CWC27: variants seen among roughly 807,000 people sequenced by gnomAD.
CWC27 encodes the protein spliceosome-associated protein CWC27 homolog.
In CWC27, 47 loss-of-function variants were observed where a neutral mutation model predicts 63.6. The observed-to-expected ratio is 0.74, with a 90% CI of 0.58 to 0.94. CWC27 has a LOEUF of 0.94. CWC27 is among the 40% of genes least tolerant of loss of function. The probability of loss-of-function intolerance (pLI) is 0.00; values close to 1 mark genes in which losing one functional copy is unlikely to be tolerated. For missense variants in CWC27, 495 were observed against 554.3 expected, an observed-to-expected ratio of 0.89 and a Z score of 1.07; for synonymous variants, 175 against 179.8, an observed-to-expected ratio of 0.97 and a Z score of 0.22.
At chr5:64,840,391 AAAAAT>A (rs1745792298) in intron 10 of CWC27, among the ~76,000 whole-genome samples, 1 of 42,306 alleles carries the variant, frequency 2.4e-5, no homozygotes, top group Non-Finnish European at 4.4e-5. Flanking sequence ...AAAAAAAAAA[AAAAAT>A]ATATATATAT....
chr5:64,823,563 C>T (rs1489870785), intron 10 of CWC27, among the ~76,000 whole-genome samples: 2 of 152,160 alleles, frequency 1.3e-5, no homozygotes, highest in Non-Finnish European at 2.9e-5. Flanking sequence ...CTGTTGGATA[C>T]AGAGAATGAC....
chr5:64,972,178 C>T (rs1749139183), intron 12 of CWC27, among the ~76,000 whole-genome samples: 1 of 152,216 alleles, frequency 6.6e-6, no homozygotes, highest in African/African-American at 2.4e-5. Context: ...TCCAGCCCGA[C>T]ATCTCGCATG....
intron 11 of CWC27, among the ~76,000 whole-genome samples, chr5:64,924,956 GACACACACACACAC>G (rs36083384): frequency 1.4e-5 from 2 of 145,464 alleles, no homozygotes; most frequent in Non-Finnish European, 3.0e-5. Flanking sequence ...GTCTTTCTTA[GACACACACACACAC>G]ACACACACAC....
intron 10 of CWC27, among the ~76,000 whole-genome samples, chr5:64,875,675 T>C (rs1267717213): frequency 6.6e-6 from 1 of 152,156 alleles, no homozygotes; most frequent in Non-Finnish European, 1.5e-5. Flanking sequence ...TTGCATAGCA[T>C]ATATTTAATC....
intron 13 of CWC27, among the ~76,000 whole-genome samples, chr5:65,009,593 C>T (rs989717437): frequency 2.6e-5 from 4 of 152,264 alleles, no homozygotes; most frequent in East Asian, 1.9e-4. Flanking sequence ...AGGGTGCCCC[C>T]GCTCTCCCTG....
chr5:64,985,176 A>G (rs562412596), intron 13 of CWC27, among the ~76,000 whole-genome samples: 44 of 152,168 alleles, frequency 2.9e-4, no homozygotes, highest in Admixed American at 7.2e-4. Flanking sequence ...CTTGATTACA[A>G]CAGATTTATG....
At chr5:64,840,388 A>AT (rs1745788679) in intron 10 of CWC27, among the ~76,000 whole-genome samples, 5 of 45,350 alleles carry the variant, frequency 1.1e-4, no homozygotes, top group Admixed American at 2.6e-4. Flanking sequence ...AAAAAAAAAA[A>AT]AAAAAAATAT....
At position 64,927,976 on chromosome 5, in the gene CWC27, A is replaced by G. The variant is rs552691520; in HGVS notation, c.1042+42430A>G. 9.9e-5 allele frequency among the ~76,000 whole-genome samples: 15 copies of G among 152,218 alleles called. No individual in the cohort carries two copies. The South Asian group carries it at 3.1e-3, about 32-fold the overall frequency. ...TCGAGACCAGCCTGGACAACATGGT[A>G]AAACCCCATTTTTACTAAAAATACA... On this transcript the variant is annotated intron_variant, in intron 11 of 13. Coordinates refer to ENST00000381070, the MANE Select transcript of CWC27 (RefSeq NM_005869.4).
At chr5:64,850,977 A>C (rs1266045956) in intron 10 of CWC27, among the ~76,000 whole-genome samples, 2 of 152,230 alleles carry the variant, frequency 1.3e-5, no homozygotes, top group Non-Finnish European at 2.9e-5. Context: ...TACAGCCATT[A>C]TGAAAACTGT....
rs548977471 is a variant in CWC27, at chr5:65,000,850, A to G, written c.1257-17309A>G. ...ATACAAATTGTAGGATTTTTTTTCTATTTGTATGAAGAATGTCATTGGTAT... is the reference window on the plus strand; with the variant it reads ...ATACAAATTGTAGGATTTTTTTTCTGTTTGTATGAAGAATGTCATTGGTAT... On this transcript the variant is annotated intron_variant, in intron 13 of 13. Transcript: ENST00000381070. Among the ~76,000 whole-genome samples, 12 of 151,872 alleles carry G rather than the reference A, an allele frequency of 7.9e-5. No homozygotes were observed. The East Asian group carries it at 1.9e-3, about 24-fold the overall frequency.
intron 11 of CWC27, among the ~76,000 whole-genome samples, chr5:64,925,619 A>G (rs1323979313): frequency 6.6e-6 from 1 of 152,238 alleles, no homozygotes; most frequent in Non-Finnish European, 1.5e-5. Flanking sequence ...TAGAGGCAGC[A>G]CGACTAGAGT....
chr5:64,922,438 G>T lies in CWC27; in HGVS notation c.1042+36892G>T, dbSNP rs189776973. Among the ~76,000 whole-genome samples, 795 of 152,178 alleles carry T rather than the reference G, an allele frequency of 5.2e-3. 5 individuals carry two copies. The highest frequency in any genetic ancestry group is 0.018 in the African/African-American group (754 of 41,522). ...GGTCTATTTTGTTAATGCTTCTGTTGTATTTTGAAATTCCTGTAGTGAATT... is the reference window on the plus strand; with the variant it reads ...GGTCTATTTTGTTAATGCTTCTGTTTTATTTTGAAATTCCTGTAGTGAATT... On this transcript the variant is annotated intron_variant, in intron 11 of 13. Transcript: ENST00000381070.
At chr5:64,824,728 CTTTTTTTTTTTTTT>C (rs768576527) in intron 10 of CWC27, among the ~76,000 whole-genome samples, 1 of 91,986 alleles carries the variant, frequency 1.1e-5, no homozygotes, top group Non-Finnish European at 2.1e-5. Flanking sequence ...TTTCTTTTCT[CTTTTTTTTTTTTTT>C]TTTTTTTTGA....
At chr5:64,911,797 G>A (rs997677350) in intron 11 of CWC27, among the ~76,000 whole-genome samples, 2 of 152,116 alleles carry the variant, frequency 1.3e-5, no homozygotes, top group African/African-American at 4.8e-5. Context: ...CAGACCGGCT[G>A]GGCACGGTGG....
intron 10 of CWC27, among the ~76,000 whole-genome samples, chr5:64,875,195 G>A (rs1239655533): frequency 6.6e-6 from 1 of 151,972 alleles, no homozygotes; most frequent in Non-Finnish European, 1.5e-5. Flanking sequence ...ACAAAGATTA[G>A]GGGTCATCTA....
chr5:64,919,091 T>C (rs1747944872), intron 11 of CWC27, among the ~76,000 whole-genome samples: 1 of 152,226 alleles, frequency 6.6e-6, no homozygotes, highest in Non-Finnish European at 1.5e-5. Flanking sequence ...TTTCCATATA[T>C]TTTTGCTGTA....
chr5:64,963,124 AT>A (rs879597697), intron 11 of CWC27, among the ~76,000 whole-genome samples: 1 of 150,538 alleles, frequency 6.6e-6, no homozygotes, highest in Non-Finnish European at 1.5e-5. Flanking sequence ...CACCCAGCTA[AT>A]TTTTTTTTGT....
chr5:64,895,962 G>T (rs1580710583), intron 11 of CWC27, among the ~76,000 whole-genome samples: 1 of 152,162 alleles, frequency 6.6e-6, no homozygotes, highest in South Asian at 2.1e-4. Context: ...GCAAATAGAG[G>T]CAATATTTAG....
intron 10 of CWC27, among the ~76,000 whole-genome samples, chr5:64,863,226 T>C (rs1746453830): frequency 6.6e-6 from 1 of 152,148 alleles, no homozygotes; most frequent in African/African-American, 2.4e-5. Flanking sequence ...TATTTTCTGC[T>C]ACCTATAAGT....
Sources: gnomAD v4.1 joint callset for allele counts (sites outside exome capture counted in the v4.1 genomes callset) on GRCh38, gnomAD v4.1.1 for gene constraint, MANE v1.5 for transcripts, NCBI Gene and HGNC (gene_info 2026-07-23, HGNC 2026-07-21) for gene names.